MSRA: variants seen among roughly 807,000 people sequenced by gnomAD.
MSRA encodes the protein mitochondrial peptide methionine sulfoxide reductase.
MSRA carries 54 observed loss-of-function variants against 31.3 expected under a neutral mutation model. The ratio of observed to expected loss-of-function variants is 1.73; its 90% confidence interval spans 1.39 to 2.17. MSRA has a LOEUF of 2.17. Ranked by LOEUF, MSRA falls within the 30% of genes most tolerant of loss-of-function variation. The pLI is 0.00. For missense variants in MSRA, 507 were observed against 300.9 expected (o/e 1.69, Z -5.07); for synonymous variants, 169 against 116.5 (o/e 1.45, Z -2.90).
intron 1 of MSRA, among the ~76,000 whole-genome samples, chr8:10,125,187 T>C (rs935675817): frequency 2.6e-5 from 4 of 152,158 alleles, no homozygotes; most frequent in African/African-American, 9.7e-5. Flanking sequence ...GGTGCCTCAT[T>C]TGGGGAGTAG....
intron 1 of MSRA, among the ~76,000 whole-genome samples, chr8:10,205,870 T>C (rs1808918358): frequency 6.6e-6 from 1 of 152,234 alleles, no homozygotes; most frequent in South Asian, 2.1e-4. Flanking sequence ...CCCACATTTC[T>C]GTATCTCTCT....
chr8:10,127,372 C>G (rs1406107412), intron 1 of MSRA, among the ~76,000 whole-genome samples: 2 of 152,144 alleles, frequency 1.3e-5, no homozygotes, highest in African/African-American at 4.8e-5. Context: ...CAGTGTGTGG[C>G]TTGTTTTGTA....
chr8:10,078,594 G>T (rs814416), intron 1 of MSRA, among the ~76,000 whole-genome samples: 1 of 152,216 alleles, frequency 6.6e-6, no homozygotes, highest in Non-Finnish European at 1.5e-5. Flanking sequence ...CTGTGAAAGT[G>T]TAGGGCTGGC....
At chr8:10,279,564 T>C (rs934238212) in intron 3 of MSRA, among the ~76,000 whole-genome samples, 3 of 152,160 alleles carry the variant, frequency 2.0e-5, no homozygotes, top group African/African-American at 7.2e-5. Context: ...TCTCCCGTTA[T>C]ATCAAAAACT....
intron 1 of MSRA, among the ~76,000 whole-genome samples, chr8:10,129,165 T>G (rs1801719011): frequency 6.6e-6 from 1 of 152,166 alleles, no homozygotes; most frequent in African/African-American, 2.4e-5. Context: ...CTCTGTTTTT[T>G]AACAGATGAT....
chr8:10,272,833 T>A (rs1482932547), intron 3 of MSRA, among the ~76,000 whole-genome samples: 3 of 152,218 alleles, frequency 2.0e-5, no homozygotes, highest in African/African-American at 7.2e-5. Context: ...GCCTAGGACC[T>A]GGCATAAAAC....
chr8:10,329,580 A>C (rs1485051086), intron 5 of MSRA, among the ~76,000 whole-genome samples: 2 of 152,202 alleles, frequency 1.3e-5, no homozygotes, highest in Non-Finnish European at 2.9e-5. Flanking sequence ...GTTTTAGGGG[A>C]TTGGAACATG....
intron 3 of MSRA, among the ~76,000 whole-genome samples, chr8:10,267,756 G>A (rs910958126): frequency 6.6e-6 from 1 of 152,146 alleles, no homozygotes; most frequent in African/African-American, 2.4e-5. Context: ...TGCCAGAAGG[G>A]GAAGAGTATC....
chr8:10,405,262 G>T (rs1273639129), intron 5 of MSRA, among the ~76,000 whole-genome samples: 1 of 152,014 alleles, frequency 6.6e-6, no homozygotes, highest in Non-Finnish European at 1.5e-5. Flanking sequence ...TGCAGCTGCA[G>T]GATCAGAGTA....
At chr8:10,093,651 T>G (rs1333857919) in intron 1 of MSRA, among the ~76,000 whole-genome samples, 1 of 152,258 alleles carries the variant, frequency 6.6e-6, no homozygotes, top group Non-Finnish European at 1.5e-5. Context: ...ATGTTACATT[T>G]ATTTTAAAAT....
chr8:10,323,359 G>C (rs76043152), intron 5 of MSRA, among the ~76,000 whole-genome samples: 1,878 of 152,226 alleles, frequency 0.012, 32 homozygotes, highest in African/African-American at 0.043. Flanking sequence ...TAGTTCTCTA[G>C]GGTACCAAGA....
chr8:10,179,879 G>T (rs1201466166), intron 1 of MSRA, among the ~76,000 whole-genome samples: 1 of 152,174 alleles, frequency 6.6e-6, no homozygotes, highest in Non-Finnish European at 1.5e-5. Flanking sequence ...TTTATTTGCA[G>T]AAATGTCAAC....
At chr8:10,225,281 C>A (rs1003018370) in intron 2 of MSRA, among the ~76,000 whole-genome samples, 1 of 152,234 alleles carries the variant, frequency 6.6e-6, no homozygotes, top group Non-Finnish European at 1.5e-5. Flanking sequence ...CTGTGACTTT[C>A]CTCAGTCCTT....
At chr8:10,292,908 T>C (rs1411364666) in intron 3 of MSRA, among the ~76,000 whole-genome samples, 1 of 152,046 alleles carries the variant, frequency 6.6e-6, no homozygotes, top group East Asian at 1.9e-4. Flanking sequence ...CAGGTTGCTG[T>C]CATACCAGTG....
chr8:10,421,713 G>A (rs1000612500), intron 5 of MSRA, among the ~76,000 whole-genome samples: 4 of 152,198 alleles, frequency 2.6e-5, no homozygotes, highest in South Asian at 2.1e-4. Context: ...GGAGTGACCC[G>A]GCTGCTTTTC....
chr8:10,103,982 A>T (rs1026136470), intron 1 of MSRA, among the ~76,000 whole-genome samples: 52 of 152,224 alleles, frequency 3.4e-4, no homozygotes, highest in Non-Finnish European at 5.4e-4. Context: ...TTACATGTTT[A>T]AAAACTTTGA....
At chr8:10,347,103 A>AT (rs1431380153) in intron 5 of MSRA, among the ~76,000 whole-genome samples, 2 of 151,990 alleles carry the variant, frequency 1.3e-5, no homozygotes, top group Admixed American at 6.6e-5. Context: ...TGTCCCCTTT[A>AT]TTTTAGTCAT....
At chr8:10,158,727 C>T (rs1804387815) in intron 1 of MSRA, among the ~76,000 whole-genome samples, 1 of 152,058 alleles carries the variant, frequency 6.6e-6, no homozygotes, top group East Asian at 1.9e-4. Context: ...ACACGTTTTC[C>T]TTTGTCTTAG....
intron 1 of MSRA, among the ~76,000 whole-genome samples, chr8:10,152,120 A>T (rs1259453277): frequency 1.3e-5 from 2 of 152,234 alleles, no homozygotes; most frequent in African/African-American, 4.8e-5. Context: ...GTGAACATAT[A>T]TTTGTGTGTG....
Sources: gnomAD v4.1 joint callset for allele counts (sites outside exome capture counted in the v4.1 genomes callset) on GRCh38, gnomAD v4.1.1 for gene constraint, MANE v1.5 for transcripts, NCBI Gene and HGNC (gene_info 2026-07-23, HGNC 2026-07-21) for gene names.